The following ZMAT4 variants were observed in gnomAD, a reference collection of about 807,000 sequenced individuals.
ZMAT4 encodes the protein zinc finger matrin-type 4.
ZMAT4 carries 17 observed loss-of-function variants against 28.7 expected under a neutral mutation model. The ratio of observed to expected loss-of-function variants is 0.59; its 90% CI spans 0.41 to 0.89. The LOEUF (loss-of-function observed/expected upper bound fraction) is 0.89, where lower values mean the gene tolerates loss of function less well. Ranked by LOEUF, ZMAT4 falls within the 40% of genes least tolerant of loss-of-function variation. The probability of loss-of-function intolerance (pLI) is 0.00; values close to 1 mark genes in which losing one functional copy is unlikely to be tolerated. For missense variants in ZMAT4, 240 were observed against 283.8 expected (o/e 0.85, Z 1.11); for synonymous variants, 117 against 109.2 (o/e 1.07, Z -0.44).
chr8:40,658,880 G>A (rs1355270948), intron 5 of ZMAT4, among the ~76,000 whole-genome samples: 1 of 151,954 alleles, frequency 6.6e-6, no homozygotes, highest in East Asian at 1.9e-4. Context: ...TATTCCAAAT[G>A]TTCACCTCCC....
At chr8:40,741,909 T>C (rs1432522503) in intron 3 of ZMAT4, among the ~76,000 whole-genome samples, 1 of 152,126 alleles carries the variant, frequency 6.6e-6, no homozygotes, top group Non-Finnish European at 1.5e-5. Context: ...AACATATGTA[T>C]TGAAATAGAA....
At chr8:40,558,987 C>T (rs750026639) in intron 6 of ZMAT4, among the ~76,000 whole-genome samples, 16 of 152,162 alleles carry the variant, frequency 1.1e-4, no homozygotes, top group Non-Finnish European at 5.9e-5. Flanking sequence ...AGGGTTAAGC[C>T]TCGCACCCCT....
chr8:40,565,194 T>TATTCTATCAGGTGTTACAAAATTCAA (rs1208680933), intron 6 of ZMAT4, among the ~76,000 whole-genome samples: 1 of 152,144 alleles, frequency 6.6e-6, no homozygotes, highest in African/African-American at 2.4e-5. Flanking sequence ...AGCAATGAAA[T>TATTCTATCAGGTGTTACAAAATTCAA]ATTCTATCAG....
At chr8:40,885,093 T>C (rs1818408997) in intron 1 of ZMAT4, 1 of 152,072 alleles carries the variant, frequency 6.6e-6, no homozygotes, top group Non-Finnish European at 1.5e-5. Context: ...ACTCCCAGGG[T>C]TGTCTAGCTT....
At chr8:40,868,445 T>C (rs927847381) in intron 1 of ZMAT4, among the ~76,000 whole-genome samples, 58 of 152,152 alleles carry the variant, frequency 3.8e-4, no homozygotes, top group Non-Finnish European at 7.1e-4. Flanking sequence ...CCCACCTATG[T>C]CTGCACTGTC....
chr8:40,873,982 T>C (rs1043348721), intron 1 of ZMAT4, among the ~76,000 whole-genome samples: 2 of 152,108 alleles, frequency 1.3e-5, no homozygotes, highest in Non-Finnish European at 2.9e-5. Context: ...CATTTGAGAT[T>C]AGGGAAAAGG....
At chr8:40,760,288 T>G (rs767791100) in intron 3 of ZMAT4, among the ~76,000 whole-genome samples, 1 of 152,162 alleles carries the variant, frequency 6.6e-6, no homozygotes, top group African/African-American at 2.4e-5. Flanking sequence ...GACTTCCATA[T>G]ATGATCAGTC....
chr8:40,820,840 T>TATGC (rs1815773882), intron 2 of ZMAT4, among the ~76,000 whole-genome samples: 1 of 149,076 alleles, frequency 6.7e-6, no homozygotes, highest in African/African-American at 2.5e-5. Flanking sequence ...TATGTGTGTA[T>TATGC]GTGTGTATGT....
intron 5 of ZMAT4, among the ~76,000 whole-genome samples, chr8:40,584,858 G>C (rs1046597637): frequency 2.5e-4 from 38 of 152,160 alleles, no homozygotes; most frequent in African/African-American, 8.2e-4. Context: ...GGTCTCAAAC[G>C]CCAGATCTCA....
At chr8:40,643,877 T>A (rs922842431) in intron 5 of ZMAT4, among the ~76,000 whole-genome samples, 4 of 151,180 alleles carry the variant, frequency 2.6e-5, no homozygotes, top group African/African-American at 7.3e-5. Flanking sequence ...TTAGTAAGGA[T>A]GCAGTTTAAA....
intron 5 of ZMAT4, among the ~76,000 whole-genome samples, chr8:40,641,674 T>A (rs722105): frequency 0.57 from 85,889 of 151,958 alleles, 24,939 homozygotes; most frequent in East Asian, 0.69. Context: ...TGCCCTCTTT[T>A]TTTATTCTTA....
intron 1 of ZMAT4, among the ~76,000 whole-genome samples, chr8:40,847,233 G>C (rs904707904): frequency 3.4e-5 from 5 of 148,618 alleles, no homozygotes; most frequent in Non-Finnish European, 7.5e-5. Flanking sequence ...AAAAAAAACT[G>C]GGGGAAATCC....
chr8:40,558,687 C>A (rs1803627333), intron 6 of ZMAT4, among the ~76,000 whole-genome samples: 1 of 152,054 alleles, frequency 6.6e-6, no homozygotes, highest in South Asian at 2.1e-4. Context: ...GCCTGCTGCA[C>A]ATCTAAATTG....
chr8:40,780,525 C>T (rs888087253), intron 2 of ZMAT4, among the ~76,000 whole-genome samples: 1 of 152,150 alleles, frequency 6.6e-6, no homozygotes, highest in Non-Finnish European at 1.5e-5. Context: ...GGAGCACCGA[C>T]ATTCTTGTAG....
intron 3 of ZMAT4, among the ~76,000 whole-genome samples, chr8:40,721,699 T>C (rs1393895028): frequency 1.3e-5 from 2 of 151,900 alleles, no homozygotes; most frequent in Non-Finnish European, 2.9e-5. Flanking sequence ...TATCTCATAG[T>C]GGTTTTGATT....
chr8:40,858,153 CAAT>C (rs946496689), intron 1 of ZMAT4, among the ~76,000 whole-genome samples: 7 of 152,150 alleles, frequency 4.6e-5, no homozygotes, highest in Non-Finnish European at 8.8e-5. Context: ...AAATAGACCT[CAAT>C]ACTTTTTTCA....
intron 5 of ZMAT4, among the ~76,000 whole-genome samples, chr8:40,652,136 T>C (rs1299788504): frequency 8.9e-6 from 1 of 112,798 alleles, no homozygotes; most frequent in East Asian, 2.6e-4. Flanking sequence ...ACCATCAGAG[T>C]GAACAGGCAA....
intron 5 of ZMAT4, among the ~76,000 whole-genome samples, chr8:40,631,791 C>T (rs1806592908): frequency 6.6e-6 from 1 of 152,126 alleles, no homozygotes; most frequent in Non-Finnish European, 1.5e-5. Context: ...GGATGGGAAA[C>T]CTGATTTCTG....
intron 3 of ZMAT4, among the ~76,000 whole-genome samples, chr8:40,717,294 T>A (rs1178801511): frequency 5.3e-5 from 8 of 152,178 alleles, no homozygotes; most frequent in African/African-American, 1.9e-4. Context: ...TCAAAACAAA[T>A]CACATATTTA....
Sources: gnomAD v4.1 joint callset for allele counts (sites outside exome capture counted in the v4.1 genomes callset) on GRCh38, gnomAD v4.1.1 for gene constraint, MANE v1.5 for transcripts, NCBI Gene and HGNC (gene_info 2026-07-23, HGNC 2026-07-21) for gene names.